The following CNTNAP5 variants were observed in gnomAD, a reference collection of about 807,000 sequenced individuals.
CNTNAP5 encodes the protein contactin-associated protein-like 5.
CNTNAP5 carries 72 observed loss-of-function variants against 150.2 expected under a neutral mutation model. That is an observed-to-expected ratio of 0.48 (90% CI 0.40 to 0.58). CNTNAP5 has a LOEUF of 0.58. Ranked by LOEUF, CNTNAP5 falls within the 20% of genes least tolerant of loss-of-function variation. The probability of loss-of-function intolerance (pLI) is 0.00; values close to 1 mark genes in which losing one functional copy is unlikely to be tolerated. For synonymous variants in CNTNAP5, 672 were observed against 619.8 expected, an observed-to-expected ratio of 1.08 and a Z score of -1.25; for missense variants, 1,636 against 1,626.2, an observed-to-expected ratio of 1.01 and a Z score of -0.10.
intron 1 of CNTNAP5, among the ~76,000 whole-genome samples, chr2:124,153,466 G>T (rs1684450688): frequency 6.6e-6 from 1 of 151,988 alleles, no homozygotes; most frequent in African/African-American, 2.4e-5. Context: ...ATGTCTCATA[G>T]TTCTGGAGGA....
At chr2:124,353,404 G>T (rs1161879721) in intron 3 of CNTNAP5, among the ~76,000 whole-genome samples, 1 of 149,602 alleles carries the variant, frequency 6.7e-6, no homozygotes, top group Non-Finnish European at 1.5e-5. Flanking sequence ...TTTTTCTTCA[G>T]ATTATTAGGC....
intron 12 of CNTNAP5, among the ~76,000 whole-genome samples, chr2:124,632,978 A>G (rs1340503737): frequency 3.3e-5 from 5 of 152,114 alleles, no homozygotes; most frequent in Non-Finnish European, 7.3e-5. Context: ...TGAGAACAGC[A>G]CTAGGAGAAT....
intron 3 of CNTNAP5, among the ~76,000 whole-genome samples, chr2:124,295,983 G>T (rs2104639888): frequency 6.6e-6 from 1 of 152,264 alleles, no homozygotes; most frequent in African/African-American, 2.4e-5. Context: ...CCCCTGAGCA[G>T]TATATTATGT....
intron 19 of CNTNAP5, among the ~76,000 whole-genome samples, chr2:124,846,490 G>T (rs919206214): frequency 3.9e-5 from 6 of 151,954 alleles, no homozygotes; most frequent in African/African-American, 1.2e-4. Flanking sequence ...TCAGGTTTTT[G>T]ATTTCTTTAA....
intron 3 of CNTNAP5, among the ~76,000 whole-genome samples, chr2:124,372,579 G>A (rs973271209): frequency 3.3e-5 from 5 of 152,174 alleles, no homozygotes; most frequent in Middle Eastern, 3.4e-3. Context: ...TTCTGACAAC[G>A]AAGTGAATCA....
chr2:124,625,234 C>T (rs886389200), intron 12 of CNTNAP5, among the ~76,000 whole-genome samples: 8 of 152,304 alleles, frequency 5.3e-5, no homozygotes, highest in Admixed American at 1.3e-4. Flanking sequence ...ACTTTACCTC[C>T]GTGTCCGTCA....
rs116308571 is a variant in CNTNAP5 at position 124,881,540 on chromosome 2, C to T, written c.3436+11778C>T. Among the ~76,000 whole-genome samples, 289 of 152,198 alleles carry T rather than the reference C, an allele frequency of 1.9e-3. 2 individuals carry two copies. Among genetic ancestry groups the T allele is most frequent in the African/African-American group, 6.4e-3 (268 of 41,552 alleles). On this transcript the variant is annotated intron_variant, in intron 21 of 23. Transcript: ENST00000682447. ...GATACCTTACCCTCTTCCTTTGAGCCAGCTCTCCAGTCCTGCTCAGCTGCT... is the reference window on the plus strand; with the variant it reads ...GATACCTTACCCTCTTCCTTTGAGCTAGCTCTCCAGTCCTGCTCAGCTGCT...
intron 1 of CNTNAP5, among the ~76,000 whole-genome samples, chr2:124,209,568 G>C (rs2104722149): frequency 6.6e-6 from 1 of 152,214 alleles, no homozygotes; most frequent in South Asian, 2.1e-4. Flanking sequence ...GACCTGTCCA[G>C]TTTCTATTCC....
intron 21 of CNTNAP5, among the ~76,000 whole-genome samples, chr2:124,871,353 C>T (rs767953048): frequency 3.3e-5 from 5 of 151,294 alleles, no homozygotes; most frequent in Non-Finnish European, 7.4e-5. Flanking sequence ...GCTAGATCTT[C>T]AATGCAATAT....
At chr2:124,326,670 A>T (rs1689225771) in intron 3 of CNTNAP5, among the ~76,000 whole-genome samples, 1 of 152,110 alleles carries the variant, frequency 6.6e-6, no homozygotes, top group Non-Finnish European at 1.5e-5. Flanking sequence ...TATGCCTGTA[A>T]TCTCAGCACT....
chr2:124,617,306 G>A (rs1003560846), intron 12 of CNTNAP5, among the ~76,000 whole-genome samples: 1 of 151,930 alleles, frequency 6.6e-6, no homozygotes, highest in Non-Finnish European at 1.5e-5. Flanking sequence ...TAAAACAGAG[G>A]TATATTTTCT....
intron 6 of CNTNAP5, among the ~76,000 whole-genome samples, chr2:124,461,024 A>G (rs568858788): frequency 6.6e-6 from 1 of 152,258 alleles, no homozygotes; most frequent in East Asian, 1.9e-4. Context: ...AAGTCAAGAA[A>G]CAACAGGTGC....
Position 124,073,390 on chromosome 2 carries a change from C to T in CNTNAP5, c.82+47658C>T, listed in dbSNP as rs1246804102. 2.0e-5 allele frequency among the ~76,000 whole-genome samples: 3 copies of T among 152,052 alleles called. No homozygotes were observed. The East Asian group carries it at 5.8e-4, about 29-fold the overall frequency. On this transcript the variant is annotated intron_variant, in intron 1 of 23. Transcript: ENST00000682447. ...CATATCATGTTTAAAAGCTTCTACA[C>T]AGCAAATGAAACAATTAACAAAGTG...
rs534598630 is a variant in CNTNAP5, at chr2:124,358,749, A to G, written c.382-58694A>G. ...TTTTGCATCAATGTTCATCAAGTAT[A>G]TTGGTCTAAAATTCTCTTTTTTGGT... On this transcript the variant is annotated intron_variant, in intron 3 of 23. Coordinates refer to ENST00000682447, the MANE Select transcript of CNTNAP5 (RefSeq NM_001367498.1). 7.2e-5 allele frequency among the ~76,000 whole-genome samples: 11 copies of G among 152,230 alleles called. No homozygotes were observed. The East Asian group carries it at 1.9e-3, about 27-fold the overall frequency.
At chr2:124,138,757 C>T (rs183978004) in intron 1 of CNTNAP5, among the ~76,000 whole-genome samples, 85 of 152,076 alleles carry the variant, frequency 5.6e-4, no homozygotes, top group African/African-American at 1.8e-3. Flanking sequence ...CTAGAATCTC[C>T]GAAATACGGC....
chr2:124,259,999 G>A (rs933599089), intron 3 of CNTNAP5, among the ~76,000 whole-genome samples: 4 of 151,976 alleles, frequency 2.6e-5, no homozygotes, highest in Non-Finnish European at 4.4e-5. Flanking sequence ...CTTTCTTCAC[G>A]GAATTGGAAA....
At position 124,487,006 on chromosome 2, in the gene CNTNAP5, G is replaced by A. The variant is rs1257917247; in HGVS notation, c.1062+12124G>A. 3.3e-5 allele frequency among the ~76,000 whole-genome samples: 5 copies of A among 152,120 alleles called. No homozygotes were observed. In the South Asian group the frequency reaches 6.2e-4, roughly 19 times the overall value. On this transcript the variant is annotated intron_variant, in intron 7 of 23. Transcript: ENST00000682447. ...TGTTTTACATAGCTTATTCTTTTCCGCTGAAATTGTTTTATTTCCCTGCCA... is the reference window on the plus strand; with the variant it reads ...TGTTTTACATAGCTTATTCTTTTCCACTGAAATTGTTTTATTTCCCTGCCA...
At chr2:124,634,002 T>A (rs143588257) in intron 12 of CNTNAP5, among the ~76,000 whole-genome samples, 112 of 152,270 alleles carry the variant, frequency 7.4e-4, no homozygotes, top group Middle Eastern at 3.4e-3. Context: ...AACCATTCTG[T>A]CCTCCCAGGC....
At chr2:124,722,506 T>C (rs1333166347) in intron 13 of CNTNAP5, among the ~76,000 whole-genome samples, 1 of 152,060 alleles carries the variant, frequency 6.6e-6, no homozygotes, top group African/African-American at 2.4e-5. Flanking sequence ...GTATGGCAAA[T>C]TTTATTAGAT....
Sources: allele counts gnomAD v4.1 joint callset (sites outside exome capture counted in the v4.1 genomes callset), GRCh38; gene constraint gnomAD v4.1.1; transcripts MANE v1.5; gene names NCBI Gene and HGNC (gene_info 2026-07-23, HGNC 2026-07-21).